Variants in GALNT8 observed in about 807,000 individuals in gnomAD.
GALNT8 encodes the protein polypeptide N-acetylgalactosaminyltransferase 8, also known as probable polypeptide N-acetylgalactosaminyltransferase 8.
A neutral mutation model predicts 62.7 loss-of-function variants in GALNT8; 66 were observed. The observed-to-expected ratio is 1.05, with a 90% CI of 0.86 to 1.29. The LOEUF is 1.29. Among genes scored for constraint, GALNT8 ranks in the 50% most tolerant of loss-of-function variants. GALNT8 has a pLI of 0.00. For synonymous variants in GALNT8, 288 were observed against 294.3 expected, an observed-to-expected ratio of 0.98 and a Z score of 0.22; for missense variants, 771 against 791.8, an observed-to-expected ratio of 0.97 and a Z score of 0.32.
chr12:4,763,895 T>TG, intron 8 of GALNT8, 57 bp from the exon 9 acceptor site: 1 of 889,140 alleles, frequency 1.1e-6, no homozygotes, highest in Non-Finnish European at 1.9e-6. Context: ...CTGGGAGGGA[T>TG]GGCGCCTCAT....
chr12:4,739,653 TTTTTTC>T (rs1405700486), intron 3 of GALNT8, among the ~76,000 whole-genome samples: 1 of 151,750 alleles, frequency 6.6e-6, no homozygotes, highest in African/African-American at 2.4e-5. Context: ...CTCTTTTTTT[TTTTTTC>T]TTTTTCTTTT....
chr12:4,746,119 G>C, intron 5 of GALNT8, 25 bp from the exon 6 acceptor site: 1 of 1,348,634 alleles, frequency 7.4e-7, no homozygotes, highest in Non-Finnish European at 1.1e-6. Flanking sequence ...GGAGAGATTA[G>C]TGACTCTTGC....
intron 10 of GALNT8, among the ~76,000 whole-genome samples, chr12:4,769,163 A>ATCT (rs1350293632): frequency 6.6e-6 from 1 of 152,208 alleles, no homozygotes; most frequent in Non-Finnish European, 1.5e-5. Flanking sequence ...ACAGCTCACA[A>ATCT]TACAAAGAGG....
intron 2 of GALNT8, among the ~76,000 whole-genome samples, chr12:4,728,348 A>G (rs1258376790): frequency 6.6e-6 from 1 of 151,788 alleles, no homozygotes; most frequent in Non-Finnish European, 1.5e-5. Flanking sequence ...CGTCTTTGAA[A>G]CACAAGAGTT....
intron 10 of GALNT8, among the ~76,000 whole-genome samples, chr12:4,768,711 T>TATTAGTTATA (rs1946410564): frequency 6.6e-6 from 1 of 152,222 alleles, no homozygotes; most frequent in South Asian, 2.1e-4. Context: ...TGTTACCTAA[T>TATTAGTTATA]ATTAAGTTAG....
chr12:4,741,481 A>G (rs1427023591), intron 3 of GALNT8, among the ~76,000 whole-genome samples: 1 of 152,180 alleles, frequency 6.6e-6, no homozygotes, highest in African/African-American at 2.4e-5. Context: ...GCCTGAGACA[A>G]CGTCAGGCAA....
At position 4,720,893 on chromosome 12, in the gene GALNT8, G is replaced by C; in HGVS notation, c.211+5G>C. On this transcript the variant is annotated splice_donor_5th_base_variant and intron_variant, in intron 1 of 10. Transcript: ENST00000252318. ...AGGTGGAATTGCAGGATCTGAGTAA[G>C]TTTACAATGCTAACCTGGAAGGTGT... The C allele has an allele frequency of 6.5e-7, 1 of 1,534,604 alleles. No individual in the cohort carries two copies.
rs752145439 is a variant in GALNT8, at chr12:4,761,136, C to G, written c.1352C>G (p.Pro451Arg). The G allele has an allele frequency of 3.2e-5, 52 of 1,613,048 alleles. No individual in the cohort carries two copies. Among genetic ancestry groups the G allele is most frequent in the Non-Finnish European group, 4.1e-5 (48 of 1,179,230 alleles). The change falls in exon 7 of 11, where the codon CCT (proline) becomes CGT (arginine). Residue 451 changes from proline to arginine, a missense_variant. Pro to Arg is a moderately radical substitution (Grantham distance 103). Coordinates refer to ENST00000252318, the MANE Select transcript of GALNT8 (RefSeq NM_017417.2). The part of the protein sequence containing the change: ...KHMVYLAWNI[P>R]LQNSGIDFGD... The stretch of plus-strand genomic sequence containing the variant: ...ATGGTCTACTTGGCCTGGAACATAC[C>G]TCTCCAGGTGAGTCATGGAATTGAA...
At chr12:4,723,673 T>C (rs1946181099) in intron 1 of GALNT8, among the ~76,000 whole-genome samples, 1 of 152,138 alleles carries the variant, frequency 6.6e-6, no homozygotes, top group Non-Finnish European at 1.5e-5. Context: ...CTCTGAAATG[T>C]TGTGATGTCA....
chr12:4,748,847 A>T (rs1946311457), intron 6 of GALNT8, among the ~76,000 whole-genome samples: 1 of 152,154 alleles, frequency 6.6e-6, no homozygotes, highest in Non-Finnish European at 1.5e-5. Flanking sequence ...CAATCCATGA[A>T]CATGGAATAT....
chr12:4,764,880 A>G (rs1193838873), intron 9 of GALNT8, among the ~76,000 whole-genome samples: 1 of 148,292 alleles, frequency 6.7e-6, no homozygotes, highest in Non-Finnish European at 1.5e-5. Context: ...TTTAGGGACA[A>G]TATTCACATC....
rs947675543 is a variant in GALNT8, at chr12:4,763,824, C to T, written c.1498-128C>T. ...AGAAAATGCCTGCCGGGATCCCAGCCCTCTGCTCCTTGTGGCTGGTCGTTC... is the reference window on the plus strand; with the variant it reads ...AGAAAATGCCTGCCGGGATCCCAGCTCTCTGCTCCTTGTGGCTGGTCGTTC... On this transcript the variant is annotated intron_variant, in intron 8 of 10. Coordinates refer to ENST00000252318, the MANE Select transcript of GALNT8 (RefSeq NM_017417.2). The T allele has an allele frequency of 1.5e-4, 100 of 674,704 alleles. No individual in the cohort carries two copies. The African/African-American group carries it at 1.6e-3, about 11-fold the overall frequency. 41.8% of individuals were successfully genotyped at this position (674,704 alleles called of 1,614,324 possible).
At chr12:4,737,342 G>A (rs1352119019) in intron 2 of GALNT8, among the ~76,000 whole-genome samples, 5 of 152,154 alleles carry the variant, frequency 3.3e-5, no homozygotes, top group Non-Finnish European at 5.9e-5. Flanking sequence ...TTGGTGAATT[G>A]TGGACAAGTC....
chr12:4,733,093 A>C (rs185181014), intron 2 of GALNT8, among the ~76,000 whole-genome samples: 66 of 152,168 alleles, frequency 4.3e-4, no homozygotes, highest in African/African-American at 1.5e-3. Context: ...TTCTGCTGCA[A>C]TGTTCAATAT....
chr12:4,725,874 C>T (rs190545058), intron 1 of GALNT8, among the ~76,000 whole-genome samples: 13 of 152,250 alleles, frequency 8.5e-5, no homozygotes, highest in African/African-American at 2.4e-4. Context: ...GACATTCTTA[C>T]GATCACGCAA....
intron 9 of GALNT8, among the ~76,000 whole-genome samples, chr12:4,764,689 A>G (rs1328998019): frequency 6.7e-6 from 1 of 149,180 alleles, no homozygotes; most frequent in African/African-American, 2.5e-5. Flanking sequence ...GACTACAGGC[A>G]CCTGCCACCA....
At chr12:4,764,644 C>G (rs182918455) in intron 9 of GALNT8, among the ~76,000 whole-genome samples, 1 of 148,300 alleles carries the variant, frequency 6.7e-6, no homozygotes, top group East Asian at 2.0e-4. Context: ...TCTGGGTTCA[C>G]GGCATTCTCC....
intron 1 of GALNT8, among the ~76,000 whole-genome samples, chr12:4,722,562 G>A (rs906402203): frequency 4.6e-5 from 7 of 152,270 alleles, no homozygotes; most frequent in Admixed American, 2.6e-4. Flanking sequence ...TTGTGATTCC[G>A]GCTCACCATG....
At chr12:4,754,835 T>C (rs7314849) in intron 6 of GALNT8, among the ~76,000 whole-genome samples, 79,112 of 151,884 alleles carry the variant, frequency 0.52, 21,125 homozygotes, top group Non-Finnish European at 0.59. Flanking sequence ...GACTGGGTCC[T>C]TCCCTTCAAG....
Sources: allele counts gnomAD v4.1 joint callset (sites outside exome capture counted in the v4.1 genomes callset), GRCh38; gene constraint gnomAD v4.1.1; transcripts MANE v1.5; gene names NCBI Gene and HGNC (gene_info 2026-07-23, HGNC 2026-07-21).